The following SGCD variants were observed in gnomAD, a reference collection of about 807,000 sequenced individuals.
The protein encoded by SGCD is delta-sarcoglycan.
Under a neutral mutation model 36.6 loss-of-function variants are expected in SGCD, and 18 were observed. The observed-to-expected ratio is 0.49, with a 90% CI of 0.34 to 0.73. The LOEUF (loss-of-function observed/expected upper bound fraction) is 0.73. Among genes scored for constraint, SGCD ranks in the 30% least tolerant of loss-of-function variants. The pLI is 0.01. For synonymous variants in SGCD, 133 were observed against 130.6 expected, an observed-to-expected ratio of 1.02 and a Z score of -0.12; for missense variants, 387 against 346.7, an observed-to-expected ratio of 1.12 and a Z score of -0.92.
chr5:155,787,906 AT>A, the SGCD span, among the ~76,000 whole-genome samples: 8 of 152,104 alleles, frequency 5.3e-5, no homozygotes, highest in African/African-American at 1.9e-4. Context: ...GCTTTTATAG[AT>A]TTTTTTCTCA....
At chr5:155,887,392 T>G (rs1490151571) in intron 1 of SGCD, among the ~76,000 whole-genome samples, 1 of 152,240 alleles carries the variant, frequency 6.6e-6, no homozygotes, top group Non-Finnish European at 1.5e-5. Flanking sequence ...ACTACTCCAT[T>G]TAAGTGTTTC....
intron 3 of SGCD, among the ~76,000 whole-genome samples, chr5:156,153,046 C>G (rs1250733970): frequency 6.6e-6 from 1 of 151,584 alleles, no homozygotes; most frequent in Non-Finnish European, 1.5e-5. Flanking sequence ...AAGCTCATGT[C>G]AACATGTATT....
At chr5:156,713,419 C>CG (rs1285592925) in intron 7 of SGCD, among the ~76,000 whole-genome samples, 4 of 147,740 alleles carry the variant, frequency 2.7e-5, no homozygotes, top group African/African-American at 1.0e-4. Flanking sequence ...TCGGGGGGGG[C>CG]GTTATAGGAG....
chr5:156,003,246 A>G (rs1390870859), intron 1 of SGCD, among the ~76,000 whole-genome samples: 1 of 152,060 alleles, frequency 6.6e-6, no homozygotes, highest in Non-Finnish European at 1.5e-5. Flanking sequence ...TTCCCCATTA[A>G]CCTCTAAACT....
At chr5:156,501,268 A>G (rs1756439128) in intron 3 of SGCD, among the ~76,000 whole-genome samples, 1 of 152,166 alleles carries the variant, frequency 6.6e-6, no homozygotes. Context: ...AGATTCAATG[A>G]GATTATAAAA....
chr5:156,460,012 T>A (rs1754417376), intron 3 of SGCD, among the ~76,000 whole-genome samples: 1 of 152,194 alleles, frequency 6.6e-6, no homozygotes, highest in African/African-American at 2.4e-5. Flanking sequence ...AAGGCATCAC[T>A]AATGGATTGA....
intron 4 of SGCD, among the ~76,000 whole-genome samples, chr5:156,568,838 A>T (rs1302176078): frequency 6.6e-6 from 1 of 152,236 alleles, no homozygotes; most frequent in Non-Finnish European, 1.5e-5. Context: ...AGTTCATTGA[A>T]CTACGCATTG....
intron 1 of SGCD, among the ~76,000 whole-genome samples, chr5:155,921,825 C>A (rs1405751499): frequency 6.6e-6 from 1 of 152,150 alleles, no homozygotes; most frequent in Admixed American, 6.5e-5. Context: ...AAAATACTTG[C>A]CGAATGTGTT....
Position 155,946,440 on chromosome 5 carries a change from G to A in SGCD, c.-282+76016G>A, listed in dbSNP as rs540458426. Among the ~76,000 whole-genome samples, 6 of 152,176 alleles carry A rather than the reference G, an allele frequency of 3.9e-5. No individual in the cohort carries two copies. The South Asian group carries it at 1.2e-3, about 32-fold the overall frequency. On this transcript the variant is annotated intron_variant, in intron 1 of 9. Transcript: ENST00000517913. ...CTGTTTGTACTATATTTTTCTTGAT[G>A]AGAGTTTAATTAAATGTTTGCCAAG...
chr5:155,835,248 T>C, the SGCD span, among the ~76,000 whole-genome samples: 1 of 152,030 alleles, frequency 6.6e-6, no homozygotes, highest in African/African-American at 2.4e-5. Flanking sequence ...CCTCAGGTCA[T>C]CCACCCGCCT....
intron 3 of SGCD, among the ~76,000 whole-genome samples, chr5:156,505,755 T>C (rs1321964104): frequency 2.0e-5 from 3 of 146,390 alleles, no homozygotes; most frequent in Admixed American, 6.9e-5. Flanking sequence ...CAAAGCATGT[T>C]CATAGTGTGT....
chr5:156,147,038 T>A (rs1262680663), intron 3 of SGCD, among the ~76,000 whole-genome samples: 1 of 152,154 alleles, frequency 6.6e-6, no homozygotes, highest in Non-Finnish European at 1.5e-5. Context: ...TTTATTCAGC[T>A]CATTAATTAA....
chr5:156,078,605 TTATATATACACACAG>T (rs1397927564), intron 1 of SGCD, among the ~76,000 whole-genome samples: 5 of 143,150 alleles, frequency 3.5e-5, no homozygotes, highest in Non-Finnish European at 7.7e-5. Context: ...TTATATATTT[TTATATATACACACAG>T]TATATATACA....
chr5:156,398,116 T>C (rs1771963095), intron 3 of SGCD, among the ~76,000 whole-genome samples: 1 of 152,234 alleles, frequency 6.6e-6, no homozygotes, highest in South Asian at 2.1e-4. Context: ...GCTTAGGCAT[T>C]GGCCTTTGGT....
intron 3 of SGCD, among the ~76,000 whole-genome samples, chr5:156,248,394 C>T (rs1346801955): frequency 6.6e-6 from 1 of 152,126 alleles, no homozygotes; most frequent in Non-Finnish European, 1.5e-5. Context: ...GTAGCATGTG[C>T]CTGTAATTCC....
intron 3 of SGCD, among the ~76,000 whole-genome samples, chr5:156,247,951 AC>A (rs1765479737): frequency 6.6e-6 from 1 of 152,242 alleles, no homozygotes; most frequent in African/African-American, 2.4e-5. Flanking sequence ...ACTGAAGTAA[AC>A]GTTCTGAAGG....
the SGCD span, among the ~76,000 whole-genome samples, chr5:155,755,496 A>C: frequency 6.6e-6 from 1 of 152,206 alleles, no homozygotes; most frequent in African/African-American, 2.4e-5. Context: ...CTTTGCTGTA[A>C]ATCAGAATAT....
intron 1 of SGCD, among the ~76,000 whole-genome samples, chr5:156,071,436 C>T (rs546979869): frequency 0.066 from 10,024 of 151,974 alleles, 1,040 homozygotes; most frequent in African/African-American, 0.22. Context: ...TGTAGTTGAG[C>T]GGTTTTGAGT....
chr5:156,734,188 A>T, intron 7 of SGCD, among the ~76,000 whole-genome samples: 1 of 152,142 alleles, frequency 6.6e-6, no homozygotes, highest in East Asian at 1.9e-4. Flanking sequence ...TTTATTTTAA[A>T]GAATGTTGAA....
Sources: gnomAD v4.1 joint callset for allele counts (sites outside exome capture counted in the v4.1 genomes callset) on GRCh38, gnomAD v4.1.1 for gene constraint, MANE v1.5 for transcripts, NCBI Gene and HGNC (gene_info 2026-07-23, HGNC 2026-07-21) for gene names.